ZMAT5: variants seen among roughly 807,000 people sequenced by gnomAD.
ZMAT5 encodes the protein zinc finger matrin-type 5.
Under a neutral mutation model 28.0 loss-of-function variants are expected in ZMAT5, and 23 were observed. The ratio of observed to expected loss-of-function variants is 0.82; its 90% CI spans 0.59 to 1.16. ZMAT5 has a LOEUF of 1.16. Ranked by LOEUF, ZMAT5 falls within the 50% of genes most tolerant of loss-of-function variation. The pLI is 0.00. For missense variants in ZMAT5, 173 were observed against 212.7 expected, an observed-to-expected ratio of 0.81 and a Z score of 1.16; for synonymous variants, 76 against 84.1, an observed-to-expected ratio of 0.90 and a Z score of 0.52.
chr22:29,736,822 A>G (rs2147216611), intron 5 of ZMAT5, among the ~76,000 whole-genome samples: 1 of 149,528 alleles, frequency 6.7e-6, no homozygotes, highest in East Asian at 2.0e-4. Flanking sequence ...CAGGAGATTG[A>G]GACCATCCTG....
intron 1 of ZMAT5, among the ~76,000 whole-genome samples, chr22:29,756,324 C>A (rs1164786776): frequency 6.6e-6 from 1 of 152,236 alleles, no homozygotes. Flanking sequence ...GGTCTGCAGA[C>A]TGCTGGTGCA....
At chr22:29,753,265 G>A (rs1393600019) in intron 1 of ZMAT5, among the ~76,000 whole-genome samples, 4 of 152,224 alleles carry the variant, frequency 2.6e-5, no homozygotes, top group Non-Finnish European at 5.9e-5. Context: ...GGTGGCTCAC[G>A]CCCATAATCC....
chr22:29,744,098 G>A lies in ZMAT5; in HGVS notation c.128-1618C>T, dbSNP rs192845633. ...AATGTCATCAGATAATGAATGGAGA[G>A]TGCTTTGCAGAGGAGGCCCGTGGCT... On this transcript the variant is annotated intron_variant, in intron 2 of 5. Coordinates refer to ENST00000344318, the MANE Select transcript of ZMAT5 (RefSeq NM_001003692.2). 2.9e-3 allele frequency among the ~76,000 whole-genome samples: 443 copies of A among 152,328 alleles called. 1 individual carries two copies. The highest frequency in any genetic ancestry group is 0.01 in the African/African-American group (423 of 41,564).
At chr22:29,755,189 G>C (rs2068087728) in intron 1 of ZMAT5, among the ~76,000 whole-genome samples, 1 of 152,016 alleles carries the variant, frequency 6.6e-6, no homozygotes, top group Admixed American at 6.5e-5. Flanking sequence ...CAGCTGCTCA[G>C]GAGGCTGAGG....
intron 5 of ZMAT5, chr22:29,731,805 A>C (rs1385024517): frequency 6.5e-6 from 1 of 153,050 alleles, no homozygotes; most frequent in Non-Finnish European, 1.5e-5. Context: ...ATATAAATGC[A>C]TAAAAAAATC....
chr22:29,746,391 C>T (rs1454810895), intron 2 of ZMAT5: 3 of 152,200 alleles, frequency 2.0e-5, no homozygotes, highest in Admixed American at 6.5e-5. Flanking sequence ...TCAGGTGATC[C>T]ACCCACCTCA....
rs983412970 is a variant in ZMAT5, at chr22:29,750,472, C to T, written c.-27-1901G>A. ...CCTCAGCCATGGTGACCACAGCCACCACTCCTGACCCAGGAGATCTGCAGC... is the reference window on the plus strand; with the variant it reads ...CCTCAGCCATGGTGACCACAGCCACTACTCCTGACCCAGGAGATCTGCAGC... On this transcript the variant is annotated intron_variant, in intron 1 of 5. Transcript: ENST00000344318. 2.0e-5 allele frequency among the ~76,000 whole-genome samples: 3 copies of T among 152,192 alleles called. No homozygotes were observed. The East Asian group carries it at 5.8e-4, about 29-fold the overall frequency.
chr22:29,732,717 G>A (rs1185477006), intron 5 of ZMAT5, among the ~76,000 whole-genome samples: 1 of 146,100 alleles, frequency 6.8e-6, no homozygotes, highest in Non-Finnish European at 1.5e-5. Context: ...TCCAGCCTGG[G>A]CGACAGAGCG....
chr22:29,755,338 A>AGAGGGAGAGAGGGAGGGAGGGAGG (rs2068089825), intron 1 of ZMAT5, among the ~76,000 whole-genome samples: 3 of 39,266 alleles, frequency 7.6e-5, no homozygotes, highest in Non-Finnish European at 5.1e-5. Context: ...AGAGAGAGAG[A>AGAGGGAGAGAGGGAGGGAGGGAGG]GAGGGAGGGA....
At chr22:29,742,316 G>T in intron 3 of ZMAT5, 102 bp downstream of exon 3, 3 of 1,218,530 alleles carry the variant, frequency 2.5e-6, no homozygotes, top group East Asian at 2.4e-5. Context: ...GTGGGCTTGG[G>T]ATGGTGGCCC....
chr22:29,760,795 T>TATTACTTA (rs2068149921), intron 1 of ZMAT5, among the ~76,000 whole-genome samples: 1 of 152,114 alleles, frequency 6.6e-6, no homozygotes, highest in African/African-American at 2.4e-5. Context: ...GTCACTGAAG[T>TATTACTTA]GGTAATCCAA....
chr22:29,747,917 A>T (rs915056300), intron 2 of ZMAT5: 15 of 220,366 alleles, frequency 6.8e-5, no homozygotes, highest in Non-Finnish European at 1.9e-5. Flanking sequence ...CGGCAGCTAA[A>T]GCCCTTCAAA....
Position 29,739,204 on chromosome 22 carries a change from CTCAACGAATTAAAACCAA to C in ZMAT5, c.272-781_272-764del, listed in dbSNP as rs569340060. Among the ~76,000 whole-genome samples, 368 of 152,332 alleles carry C rather than the reference CTCAACGAATTAAAACCAA, an allele frequency of 2.4e-3. 4 individuals are homozygous for C. The highest frequency in any genetic ancestry group is 8.2e-3 in the African/African-American group (342 of 41,570). On this transcript the variant is annotated intron_variant, in intron 4 of 5. Coordinates refer to ENST00000344318, the MANE Select transcript of ZMAT5 (RefSeq NM_001003692.2). Reference sequence around the variant, plus strand: ...ATAAGCTGTCCAACAAAACCTGTTGCTCAACGAATTAAAACCAATCAACGAATGGAATTTATACAAGCT... The same window carrying C: ...ATAAGCTGTCCAACAAAACCTGTTGCTCAACGAATGGAATTTATACAAGCT...
rs775999226 is a variant in ZMAT5 at position 29,738,362 on chromosome 22, T to C, written c.351A>G (p.Arg117=). The C allele has an allele frequency of 2.5e-6, 4 of 1,608,818 alleles. No homozygotes were observed. In the African/African-American group the frequency reaches 5.4e-5, roughly 22 times the overall value. The part of the protein sequence containing the change: ...EGHLEDWLEK[R]AKRLSSAPSS... Reference sequence around the variant, plus strand: ...TTGGGGCTGAGCTCAGCCGCTTGGCTCTCTTCTCCAGCCAGTCCTCCAGAT... The same window carrying C: ...TTGGGGCTGAGCTCAGCCGCTTGGCCCTCTTCTCCAGCCAGTCCTCCAGAT... Residue 117 remains arginine, a synonymous_variant, in exon 5 of 6, where the codon AGA becomes AGG. Transcript: ENST00000344318.
chr22:29,761,269 CAAAAAAAAAAAAAA>C (rs131283), intron 1 of ZMAT5, among the ~76,000 whole-genome samples: 26 of 59,528 alleles, frequency 4.4e-4, no homozygotes, highest in Non-Finnish European at 6.6e-4. Context: ...AACTCCGTCT[CAAAAAAAAAAAAAA>C]AAAAAAAAAT....
chr22:29,748,663 C>T, intron 1 of ZMAT5, 92 bp from the exon 2 acceptor site: 2 of 1,502,756 alleles, frequency 1.3e-6, no homozygotes, highest in Non-Finnish European at 1.8e-6. Context: ...AGGCCTGAGC[C>T]CAGGCTTTAC....
intron 1 of ZMAT5, chr22:29,758,795 T>G (rs1240845542): frequency 1.3e-5 from 2 of 152,476 alleles, no homozygotes; most frequent in Non-Finnish European, 1.5e-5. Flanking sequence ...GACTAACTGA[T>G]CACAACCAGA....
At position 29,731,019 on chromosome 22, in the gene ZMAT5, G is replaced by C. The variant is rs1245883295; in HGVS notation, c.*206C>G. ...TCTCCCCCATCTTCTTAAGAAGCAGGGGGGCAGGTGGAGGAGAGTGAGGGG... is the reference window on the plus strand; with the variant it reads ...TCTCCCCCATCTTCTTAAGAAGCAGCGGGGCAGGTGGAGGAGAGTGAGGGG... On this transcript the variant is annotated 3_prime_UTR_variant, in exon 6 of 6. Coordinates refer to ENST00000344318, the MANE Select transcript of ZMAT5 (RefSeq NM_001003692.2). The C allele has an allele frequency of 1.1e-5, 5 of 455,632 alleles. No homozygotes were observed. Among genetic ancestry groups the C allele is most frequent in the East Asian group, 6.7e-5 (2 of 29,654 alleles). 28.2% of individuals were successfully genotyped at this position (455,632 alleles called of 1,614,324 possible).
At chr22:29,750,573 A>G (rs1388767133) in intron 1 of ZMAT5, among the ~76,000 whole-genome samples, 2 of 152,186 alleles carry the variant, frequency 1.3e-5, no homozygotes, top group Non-Finnish European at 2.9e-5. Context: ...AAACAGGAGG[A>G]CAGACAGGTC....
Sources: allele counts gnomAD v4.1 joint callset (sites outside exome capture counted in the v4.1 genomes callset), GRCh38; gene constraint gnomAD v4.1.1; transcripts MANE v1.5; gene names NCBI Gene and HGNC (gene_info 2026-07-23, HGNC 2026-07-21).